Variants in LRRC75A observed in about 807,000 individuals in gnomAD.
LRRC75A encodes leucine-rich repeat-containing protein 75A.
In LRRC75A, 12 loss-of-function variants were observed where a neutral mutation model predicts 26.0. The observed-to-expected ratio is 0.46, with a 90% CI of 0.30 to 0.75. The LOEUF is 0.75. Among genes scored for constraint, LRRC75A ranks in the 30% least tolerant of loss-of-function variants. The probability of loss-of-function intolerance (pLI) is 0.08; values close to 1 mark genes in which losing one functional copy is unlikely to be tolerated. For missense variants in LRRC75A, 410 were observed against 486.6 expected, an observed-to-expected ratio of 0.84 and a Z score of 1.48; for synonymous variants, 223 against 219.3, an observed-to-expected ratio of 1.02 and a Z score of -0.15.
intron 3 of LRRC75A, among the ~76,000 whole-genome samples, chr17:16,444,382 A>G (rs538938288): frequency 6.6e-6 from 1 of 152,268 alleles, no homozygotes; most frequent in East Asian, 1.9e-4. Context: ...TTTACCAGAA[A>G]AATTGAGTTA....
intron 1 of LRRC75A, chr17:16,478,663 A>T (rs2093826702): frequency 6.6e-6 from 1 of 152,098 alleles, no homozygotes; most frequent in South Asian, 2.1e-4. Context: ...GAGAGATGGG[A>T]ATTCTTGGAA....
chr17:16,484,235 C>A (rs891783845), intron 1 of LRRC75A, among the ~76,000 whole-genome samples: 2 of 152,108 alleles, frequency 1.3e-5, no homozygotes, highest in Non-Finnish European at 2.9e-5. Context: ...ACTCAGGAGG[C>A]TGAGGCAGGA....
At chr17:16,461,841 C>T (rs1296726793) in intron 2 of LRRC75A, among the ~76,000 whole-genome samples, 1 of 151,492 alleles carries the variant, frequency 6.6e-6, no homozygotes, top group African/African-American at 2.4e-5. Flanking sequence ...CTTTCCCCTG[C>T]CTCCCCCTAC....
At position 16,454,100 on chromosome 17, in the gene LRRC75A, CAGAT is replaced by C. The variant is rs1322680724; in HGVS notation, c.376-6144_376-6141del. The stretch of plus-strand genomic sequence containing the variant: ...TCTTTACCAAGCCTGAGTATAAAAA[CAGAT>C]AGCTGGCTGAGTGTGGTGGCTCACG... On this transcript the variant is annotated intron_variant, in intron 2 of 3. Transcript: ENST00000470794. Among the ~76,000 whole-genome samples, 7 of 152,200 alleles carry C rather than the reference CAGAT, an allele frequency of 4.6e-5. No individual in the cohort carries two copies. The East Asian group carries it at 1.2e-3, about 25-fold the overall frequency.
In LRRC75A at chr17:16,482,008, C is replaced by T. The variant is rs113571172; in HGVS notation, c.246+9737G>A. 4.4e-3 allele frequency among the ~76,000 whole-genome samples: 673 copies of T among 152,208 alleles called. 5 individuals carry two copies. The highest frequency in any genetic ancestry group is 0.015 in the African/African-American group (643 of 41,524). Reference sequence around the variant, plus strand: ...TGCCAGGTGCGCGGTGTCTACTGGGCGGTCTAGGTCCAGGGCAGGAATTCT... The same window carrying T: ...TGCCAGGTGCGCGGTGTCTACTGGGTGGTCTAGGTCCAGGGCAGGAATTCT... On this transcript the variant is annotated intron_variant, in intron 1 of 3. Coordinates refer to ENST00000470794, the MANE Select transcript of LRRC75A (RefSeq NM_001113567.3).
At position 16,459,614 on chromosome 17, in the gene LRRC75A, T is replaced by A. The variant is rs571817760; in HGVS notation, c.375+2644A>T. Among the ~76,000 whole-genome samples, 19 of 152,310 alleles carry A rather than the reference T, an allele frequency of 1.2e-4. No homozygotes were observed. The South Asian group carries it at 3.9e-3, about 32-fold the overall frequency. On this transcript the variant is annotated intron_variant, in intron 2 of 3. Coordinates refer to ENST00000470794, the MANE Select transcript of LRRC75A (RefSeq NM_001113567.3). ...TACAGCACAGCCCCTCACTAAAGGA[T>A]GTTCAGTGAGGTCCGTGTAGTATCC...
intron 2 of LRRC75A, among the ~76,000 whole-genome samples, chr17:16,452,458 G>A (rs1568955404): frequency 6.6e-6 from 1 of 151,266 alleles, no homozygotes; most frequent in Non-Finnish European, 1.5e-5. Context: ...TTTTGTTTGA[G>A]ATGGAGTCTC....
At chr17:16,458,133 C>T (rs1001449637) in intron 2 of LRRC75A, among the ~76,000 whole-genome samples, 7 of 152,088 alleles carry the variant, frequency 4.6e-5, no homozygotes, top group Admixed American at 2.0e-4. Flanking sequence ...GGTGAAACCC[C>T]GTCTCTACTA....
chr17:16,446,416 A>C (rs965845554), intron 3 of LRRC75A, among the ~76,000 whole-genome samples: 4 of 152,184 alleles, frequency 2.6e-5, no homozygotes, highest in Admixed American at 2.0e-4. Context: ...GTGGACTGAC[A>C]CATGAAAAAG....
intron 1 of LRRC75A, among the ~76,000 whole-genome samples, chr17:16,467,003 T>G (rs2143260657): frequency 6.6e-6 from 1 of 152,234 alleles, no homozygotes; most frequent in Admixed American, 6.5e-5. Flanking sequence ...CAAGACCCAG[T>G]GCAAAAGCGC....
At chr17:16,444,371 A>G (rs1305674342) in intron 3 of LRRC75A, among the ~76,000 whole-genome samples, 2 of 152,182 alleles carry the variant, frequency 1.3e-5, no homozygotes, top group Non-Finnish European at 2.9e-5. Flanking sequence ...GGCTGCCCCT[A>G]TTTACCAGAA....
At chr17:16,459,214 A>C (rs2093708755) in intron 2 of LRRC75A, among the ~76,000 whole-genome samples, 1 of 152,242 alleles carries the variant, frequency 6.6e-6, no homozygotes, top group African/African-American at 2.4e-5. Context: ...AGTGGGGAAA[A>C]CAGACAATAA....
chr17:16,452,212 C>T (rs2093638390), intron 2 of LRRC75A, among the ~76,000 whole-genome samples: 1 of 137,688 alleles, frequency 7.3e-6, no homozygotes, highest in Admixed American at 7.3e-5. Flanking sequence ...AAAAAAAAAG[C>T]CCATCATGGT....
chr17:16,457,805 AG>A (rs561483242), intron 2 of LRRC75A, among the ~76,000 whole-genome samples: 766 of 47,446 alleles, frequency 0.016, 5 homozygotes, highest in Non-Finnish European at 0.022. Context: ...CGTCTCTACA[AG>A]AAAAAAAAAA....
At chr17:16,483,982 C>T (rs575773753) in intron 1 of LRRC75A, among the ~76,000 whole-genome samples, 82 of 152,234 alleles carry the variant, frequency 5.4e-4, no homozygotes, top group Admixed American at 9.2e-4. Flanking sequence ...TTGTATATTG[C>T]TTTTATAATA....
chr17:16,443,235 GA>G lies in LRRC75A; in HGVS notation c.*352del. 2 of 262,888 alleles carry G rather than the reference GA, an allele frequency of 7.6e-6. No individual in the cohort carries two copies. Among genetic ancestry groups the G allele is most frequent in the East Asian group, 1.4e-4 (2 of 14,432 alleles). The allele number at this position is 262,888 out of a possible 1,614,324, so 16.3% of individuals were successfully genotyped here. A position where few individuals can be genotyped will look rare whatever the true frequency, so the allele number is the denominator to read the frequency against. On this transcript the variant is annotated 3_prime_UTR_variant, in exon 4 of 4. Coordinates refer to ENST00000470794, the MANE Select transcript of LRRC75A (RefSeq NM_001113567.3). ...GCCCTACTGTATTCTTTTTCTGGGG[GA>G]AAGCTCTTGGTGTTCACAATGGCTC... is the stretch of plus-strand genomic sequence containing the variant.
intron 1 of LRRC75A, among the ~76,000 whole-genome samples, chr17:16,490,879 C>T (rs572126587): frequency 5.9e-5 from 9 of 152,362 alleles, no homozygotes; most frequent in Admixed American, 2.0e-4. Context: ...TTGCACTCCC[C>T]TGCCTGTCTT....
chr17:16,444,995 T>A (rs1450151619), intron 3 of LRRC75A, among the ~76,000 whole-genome samples: 1 of 151,120 alleles, frequency 6.6e-6, no homozygotes, highest in East Asian at 2.0e-4. Context: ...ATTACAGGCG[T>A]CTGCCACCAC....
At chr17:16,483,603 C>A (rs867955203) in intron 1 of LRRC75A, among the ~76,000 whole-genome samples, 21 of 152,336 alleles carry the variant, frequency 1.4e-4, no homozygotes, top group African/African-American at 4.8e-4. Flanking sequence ...TAGGGAAACT[C>A]AGGGGTCATT....
Sources: allele counts gnomAD v4.1 joint callset (sites outside exome capture counted in the v4.1 genomes callset), GRCh38; gene constraint gnomAD v4.1.1; transcripts MANE v1.5; gene names NCBI Gene and HGNC (gene_info 2026-07-23, HGNC 2026-07-21).